BATF: variants seen among roughly 807,000 people sequenced by gnomAD.
BATF encodes the protein basic leucine zipper transcriptional factor ATF-like.
Under a neutral mutation model 13.7 loss-of-function variants are expected in BATF, and 5 were observed. The ratio of observed to expected loss-of-function variants is 0.36; its 90% CI spans 0.19 to 0.77. The LOEUF (loss-of-function observed/expected upper bound fraction) is 0.77, where lower values mean the gene tolerates loss of function less well. Among genes scored for constraint, BATF ranks in the 30% least tolerant of loss-of-function variants. The pLI, the probability that BATF is intolerant of heterozygous loss-of-function variation, is 0.51. For synonymous variants in BATF, 72 were observed against 67.5 expected, an observed-to-expected ratio of 1.07 and a Z score of -0.33; for missense variants, 124 against 163.0, an observed-to-expected ratio of 0.76 and a Z score of 1.30.
chr14:75,529,445 C>G (rs1437555607), intron 2 of BATF, among the ~76,000 whole-genome samples: 2 of 151,492 alleles, frequency 1.3e-5, no homozygotes, highest in African/African-American at 4.9e-5. Flanking sequence ...ACCAGCCTGG[C>G]CAACATGGTA....
intron 2 of BATF, among the ~76,000 whole-genome samples, chr14:75,544,334 G>A (rs1384472193): frequency 1.3e-5 from 2 of 152,098 alleles, no homozygotes; most frequent in East Asian, 1.9e-4. Context: ...GGAGACCAAG[G>A]TGGGCAGATC....
intron 2 of BATF, among the ~76,000 whole-genome samples, chr14:75,543,828 C>CAA (rs574504710): frequency 7.1e-6 from 1 of 140,578 alleles, no homozygotes; most frequent in Non-Finnish European, 1.6e-5. Context: ...AAGACTGTCT[C>CAA]AAAAAAAAAA....
chr14:75,539,925 G>A (rs1005297182), intron 2 of BATF, among the ~76,000 whole-genome samples: 8 of 152,114 alleles, frequency 5.3e-5, no homozygotes, highest in Admixed American at 1.3e-4. Flanking sequence ...TGCATGTGAC[G>A]TACAGGGGCT....
At chr14:75,523,266 C>T (rs1398926759) in intron 1 of BATF, among the ~76,000 whole-genome samples, 5 of 151,414 alleles carry the variant, frequency 3.3e-5, no homozygotes, top group Non-Finnish European at 5.9e-5. Context: ...AGGAGAAACC[C>T]AGGCTAGCAT....
intron 2 of BATF, among the ~76,000 whole-genome samples, chr14:75,536,882 G>A (rs1887827222): frequency 1.3e-5 from 2 of 152,250 alleles, no homozygotes; most frequent in Admixed American, 1.3e-4. Context: ...AGAAGCAATA[G>A]CACCTCACTA....
chr14:75,531,399 C>A (rs1441007359), intron 2 of BATF, among the ~76,000 whole-genome samples: 1 of 152,192 alleles, frequency 6.6e-6, no homozygotes, highest in East Asian at 1.9e-4. Flanking sequence ...AGGCTAAAAT[C>A]AGTGGAGTTG....
intron 2 of BATF, among the ~76,000 whole-genome samples, chr14:75,543,871 C>A (rs940465324): frequency 6.6e-6 from 1 of 151,852 alleles, no homozygotes; most frequent in Non-Finnish European, 1.5e-5. Flanking sequence ...TGGGCTCAAG[C>A]GATCCTCTCA....
At chr14:75,539,260 T>C (rs1014337327) in intron 2 of BATF, among the ~76,000 whole-genome samples, 15 of 152,224 alleles carry the variant, frequency 9.9e-5, no homozygotes, top group South Asian at 6.2e-4. Context: ...CAGTCTATGT[T>C]GAAGGAAGGA....
intron 2 of BATF, among the ~76,000 whole-genome samples, chr14:75,539,424 ATTTTTTTTTTTTTTT>A (rs1162218076): frequency 3.4e-5 from 2 of 58,544 alleles, no homozygotes; most frequent in Non-Finnish European, 5.7e-5. Flanking sequence ...GTAAGCTGGA[ATTTTTTTTTTTTTTT>A]TTTTTTTTTT....
chr14:75,535,436 G>A (rs866773359), intron 2 of BATF, among the ~76,000 whole-genome samples: 1 of 152,062 alleles, frequency 6.6e-6, no homozygotes, highest in African/African-American at 2.4e-5. Context: ...ATCTCAATAT[G>A]TGTAAATGAA....
At position 75,546,529 on chromosome 14, in the gene BATF, T is replaced by A; in HGVS notation, c.236T>A (p.Leu79Gln). The A allele has an allele frequency of 6.2e-7, 1 of 1,614,164 alleles. No individual in the cohort carries two copies. The highest frequency in any genetic ancestry group is 8.5e-7 in the Non-Finnish European group (1 of 1,180,030). The change falls in exon 3 of 3, where the codon CTG (leucine) becomes CAG (glutamine). Residue 79 changes from leucine to glutamine, a missense_variant. Physicochemically the swap from Leu to Gln is moderately radical, Grantham distance 113. Around this residue, in one of 2 missense-constraint regions of BATF, gnomAD observed 65 missense variants for 113.3 expected, o/e 0.57. Transcript: ENST00000286639. Reference protein sequence around the residue: ...RKEIKQLTEELKYFTSVLNSH... With the variant: ...RKEIKQLTEEQKYFTSVLNSH... ...GAGATCAAGCAGCTCACAGAGGAAC[T>A]GAAGTACTTCACGTCGGTGCTGAAC...
intron 2 of BATF, among the ~76,000 whole-genome samples, chr14:75,533,482 G>A (rs1028147046): frequency 6.6e-6 from 1 of 151,654 alleles, no homozygotes; most frequent in Non-Finnish European, 1.5e-5. Flanking sequence ...GATGGTCCTA[G>A]GTCACAAACT....
At chr14:75,524,635 A>C (rs1370663778) in intron 1 of BATF, among the ~76,000 whole-genome samples, 1 of 152,170 alleles carries the variant, frequency 6.6e-6, no homozygotes, top group East Asian at 1.9e-4. Context: ...TTCTGAAAGA[A>C]CACTTGCCCA....
intron 2 of BATF, among the ~76,000 whole-genome samples, chr14:75,541,029 G>T (rs373389233): frequency 2.4e-4 from 36 of 152,238 alleles, no homozygotes; most frequent in South Asian, 1.2e-3. Context: ...CAGAGGTTGC[G>T]GTGAGCTGAG....
rs995217245 is a variant in BATF at position 75,546,848 on chromosome 14, C to A, written c.*177C>A. 12 of 890,942 alleles carry A rather than the reference C, an allele frequency of 1.3e-5. No homozygotes were observed. Among genetic ancestry groups the A allele is most frequent in the Non-Finnish European group, 2.0e-5 (11 of 558,716 alleles). 55.2% of individuals were successfully genotyped at this position (890,942 alleles called of 1,614,324 possible). A position where few individuals can be genotyped will look rare whatever the true frequency, so the allele number is the denominator to read the frequency against. On this transcript the variant is annotated 3_prime_UTR_variant, in exon 3 of 3. Coordinates refer to ENST00000286639, the MANE Select transcript of BATF (RefSeq NM_006399.5). ...GTGAGGCCTCCCAGCAGTGCCGCAG[C>A]GTTTCGAGGGGCGTGTGCTGGACCC... is the stretch of plus-strand genomic sequence containing the variant.
chr14:75,522,836 G>T, intron 1 of BATF, 91 bp downstream of exon 1: 1 of 1,536,046 alleles, frequency 6.5e-7, no homozygotes, highest in Non-Finnish European at 9.0e-7. Flanking sequence ...AGGGAGCTGA[G>T]GATGGAGGAA....
chr14:75,546,887 T>G lies in BATF; in HGVS notation c.*216T>G, dbSNP rs1263040484. The G allele has an allele frequency of 4.1e-6, 3 of 728,718 alleles. No individual in the cohort carries two copies. The highest frequency in any genetic ancestry group is 7.3e-6 in the Non-Finnish European group (3 of 408,972). The allele number at this position is 728,718 out of a possible 1,614,324, so 45.1% of individuals were successfully genotyped here. A position where few individuals can be genotyped will look rare whatever the true frequency, so the allele number is the denominator to read the frequency against. ...TGTGCTGGACCCCACCACTGTGGGT[T>G]GCAGGCCCAATGCAGAAGAGTATTA... On this transcript the variant is annotated 3_prime_UTR_variant, in exon 3 of 3. Transcript: ENST00000286639.
intron 2 of BATF, among the ~76,000 whole-genome samples, chr14:75,531,742 T>A (rs1318993273): frequency 6.6e-6 from 1 of 152,076 alleles, no homozygotes. Flanking sequence ...TGGAGAAAAA[T>A]TGAGTAATGG....
In BATF at chr14:75,546,784, A is replaced by G. The variant is rs1887994575; in HGVS notation, c.*113A>G. On this transcript the variant is annotated 3_prime_UTR_variant, in exon 3 of 3. Coordinates refer to ENST00000286639, the MANE Select transcript of BATF (RefSeq NM_006399.5). ...TGGAGACCCGGAGACAGAGGCCTGG[A>G]CAAGGAGTGAACACGGGAACTGTCA... The G allele has an allele frequency of 1.5e-6, 2 of 1,322,082 alleles. No individual in the cohort carries two copies. The highest frequency in any genetic ancestry group is 2.9e-5 in the African/African-American group (2 of 68,024). 81.9% of individuals were successfully genotyped at this position (1,322,082 alleles called of 1,614,324 possible). A position where few individuals can be genotyped will look rare whatever the true frequency, so the allele number is the denominator to read the frequency against.
Sources: allele counts gnomAD v4.1 joint callset (sites outside exome capture counted in the v4.1 genomes callset), GRCh38; gene constraint gnomAD v4.1.1; regional missense constraint gnomAD v4.1.1; transcripts MANE v1.5; gene names NCBI Gene and HGNC (gene_info 2026-07-23, HGNC 2026-07-21).